The following WDR7 variants were observed in gnomAD, a reference collection of about 807,000 sequenced individuals.
WDR7 encodes the protein WD repeat-containing protein 7.
In WDR7, 46 loss-of-function variants were observed where a neutral mutation model predicts 169.4. That is an observed-to-expected ratio of 0.27 (90% confidence interval 0.21 to 0.35). The LOEUF is 0.35. WDR7 is among the 10% of genes least tolerant of loss of function. WDR7 has a pLI of 1.00. For missense variants in WDR7, 1,534 were observed against 1,859.3 expected (o/e 0.83, Z 3.22); for synonymous variants, 612 against 666.8 (o/e 0.92, Z 1.27).
At chr18:56,759,267 C>T (rs2043946427) in intron 16 of WDR7, among the ~76,000 whole-genome samples, 1 of 152,104 alleles carries the variant, frequency 6.6e-6, no homozygotes, top group African/African-American at 2.4e-5. Flanking sequence ...AAAAGTTATA[C>T]CTATTTTAAA....
chr18:57,019,702 T>G (rs1202896111), intron 26 of WDR7, among the ~76,000 whole-genome samples: 1 of 152,152 alleles, frequency 6.6e-6, no homozygotes. Flanking sequence ...TCTCCTGAAA[T>G]GTACACTACC....
chr18:56,924,217 A>G, intron 22 of WDR7, 109 bp downstream of exon 22: 3 of 1,219,188 alleles, frequency 2.5e-6, no homozygotes, highest in Non-Finnish European at 3.4e-6. Context: ...TAATAGATAA[A>G]AAATACACAA....
chr18:56,758,615 A>G (rs2043934617), intron 15 of WDR7, among the ~76,000 whole-genome samples: 1 of 151,928 alleles, frequency 6.6e-6, no homozygotes, highest in Non-Finnish European at 1.5e-5. Context: ...ATGTTAGAAA[A>G]TATTTCTTAA....
intron 1 of WDR7, among the ~76,000 whole-genome samples, chr18:56,670,399 A>C (rs1211374138): frequency 6.6e-6 from 1 of 152,192 alleles, no homozygotes; most frequent in African/African-American, 2.4e-5. Context: ...TGTACTGAGT[A>C]CGAGTCGCCA....
intron 26 of WDR7, among the ~76,000 whole-genome samples, chr18:56,978,049 TAAAG>T: frequency 6.6e-6 from 1 of 152,328 alleles, no homozygotes; most frequent in South Asian, 2.1e-4. Context: ...AGACAGAGGT[TAAAG>T]AAGAAGGCAA....
At chr18:56,970,315 C>T (rs1200773121) in intron 26 of WDR7, among the ~76,000 whole-genome samples, 2 of 150,732 alleles carry the variant, frequency 1.3e-5, no homozygotes, top group African/African-American at 4.9e-5. Context: ...CAAGATTATA[C>T]TTACTGATCT....
chr18:56,942,478 A>G (rs543056716), intron 25 of WDR7, among the ~76,000 whole-genome samples: 2 of 152,324 alleles, frequency 1.3e-5, no homozygotes, highest in Admixed American at 6.5e-5. Context: ...GCATAAATAA[A>G]GAAAAACAGT....
intron 20 of WDR7, among the ~76,000 whole-genome samples, chr18:56,876,046 T>C (rs767641549): frequency 9.9e-5 from 15 of 152,158 alleles, no homozygotes; most frequent in Non-Finnish European, 1.9e-4. Context: ...GGCTTTCAAT[T>C]AGCCATAGGT....
chr18:56,922,793 C>G (rs889800019), intron 21 of WDR7, among the ~76,000 whole-genome samples: 9 of 152,122 alleles, frequency 5.9e-5, no homozygotes, highest in Non-Finnish European at 4.4e-5. Flanking sequence ...CCTTCTCTTC[C>G]TTTCCATTTC....
At chr18:56,905,638 T>C (rs1314593594) in intron 21 of WDR7, among the ~76,000 whole-genome samples, 1 of 150,636 alleles carries the variant, frequency 6.6e-6, no homozygotes, top group East Asian at 1.9e-4. Flanking sequence ...TATATATATA[T>C]ATATCATATG....
intron 9 of WDR7, among the ~76,000 whole-genome samples, chr18:56,692,918 T>C (rs1274862892): frequency 6.6e-6 from 1 of 151,866 alleles, no homozygotes; most frequent in African/African-American, 2.4e-5. Context: ...AAAAAAAAAT[T>C]AGCATGGTGT....
At chr18:57,022,893 C>G (rs748450561) in intron 27 of WDR7, among the ~76,000 whole-genome samples, 1 of 152,236 alleles carries the variant, frequency 6.6e-6, no homozygotes, top group Non-Finnish European at 1.5e-5. Flanking sequence ...TGCCTGGACA[C>G]GTGGCTTTGC....
intron 1 of WDR7, among the ~76,000 whole-genome samples, chr18:56,660,206 A>C (rs2024874513): frequency 6.6e-6 from 1 of 152,168 alleles, no homozygotes; most frequent in Admixed American, 6.5e-5. Context: ...AGGAATGATC[A>C]GGGGCTCACT....
downstream of WDR7, chr18:57,034,661 C>G (rs1358501567): frequency 6.6e-6 from 1 of 152,134 alleles, no homozygotes; most frequent in Non-Finnish European, 1.5e-5. Context: ...TACCACGTGG[C>G]AGGAATTGAA....
intron 2 of WDR7, among the ~76,000 whole-genome samples, 166 bp from the exon 3 acceptor site, chr18:56,679,166 A>C (rs1487405122): frequency 1.3e-5 from 2 of 152,220 alleles, no homozygotes; most frequent in African/African-American, 4.8e-5. Flanking sequence ...TCAGGGCTAG[A>C]AGTTCTCCCA....
chr18:56,664,902 G>C (rs1186801942), intron 1 of WDR7, among the ~76,000 whole-genome samples: 2 of 152,168 alleles, frequency 1.3e-5, no homozygotes, highest in Non-Finnish European at 2.9e-5. Flanking sequence ...AAGGGAGCTA[G>C]CATTTGAAAA....
chr18:56,679,494 T>A, intron 3 of WDR7, 56 bp downstream of exon 3: 4 of 1,326,668 alleles, frequency 3.0e-6, no homozygotes, highest in East Asian at 2.4e-5. Context: ...CTAGCACCAA[T>A]GCCTTGTAAG....
At chr18:56,935,951 T>C in intron 23 of WDR7, 46 bp downstream of exon 23, 2 of 1,527,226 alleles carry the variant, frequency 1.3e-6, no homozygotes, top group South Asian at 2.4e-5. Flanking sequence ...TTTAGAGGAA[T>C]TATTTGATAC....
intron 19 of WDR7, among the ~76,000 whole-genome samples, chr18:56,811,256 G>T (rs2044863731): frequency 6.6e-6 from 1 of 152,078 alleles, no homozygotes; most frequent in Non-Finnish European, 1.5e-5. Context: ...AGATGCTTTT[G>T]TGTGGACATA....
Sources: allele counts gnomAD v4.1 joint callset (sites outside exome capture counted in the v4.1 genomes callset), GRCh38; gene constraint gnomAD v4.1.1; transcripts MANE v1.5; gene names NCBI Gene and HGNC (gene_info 2026-07-23, HGNC 2026-07-21).